The following LOXHD1 variants were observed in gnomAD, a reference collection of about 807,000 sequenced individuals.
The protein encoded by LOXHD1 is lipoxygenase homology domain-containing protein 1.
A neutral mutation model predicts 248.2 loss-of-function variants in LOXHD1; 205 were observed. The ratio of observed to expected loss-of-function variants is 0.83; its 90% confidence interval spans 0.74 to 0.93. The LOEUF is 0.93. Ranked by LOEUF, LOXHD1 falls within the 40% of genes least tolerant of loss-of-function variation. The probability of loss-of-function intolerance (pLI) is 0.00; values close to 1 mark genes in which losing one functional copy is unlikely to be tolerated. For missense variants in LOXHD1, 2,930 were observed against 2,971.6 expected (o/e 0.99, Z 0.33); for synonymous variants, 1,113 against 1,162.8 (o/e 0.96, Z 0.87).
At chr18:46,586,059 A>G (rs1026510944) in intron 12 of LOXHD1, among the ~76,000 whole-genome samples, 4 of 152,250 alleles carry the variant, frequency 2.6e-5, no homozygotes, top group Admixed American at 2.0e-4. Flanking sequence ...GGACTATATT[A>G]TTCAGCAATA....
At position 46,521,089 on chromosome 18, in the gene LOXHD1, C is replaced by CT. The variant is rs1175135836; in HGVS notation, c.5271+7_5271+8insA. 2 of 1,551,398 alleles carry CT rather than the reference C, an allele frequency of 1.3e-6. No individual in the cohort carries two copies. The highest frequency in any genetic ancestry group is 1.7e-6 in the Non-Finnish European group (2 of 1,146,744). The stretch of plus-strand genomic sequence containing the variant: ...CCATGCACTGCACACTCACAGTGCC[C>CT]CCCCTACCTTCACCCCAATGTTCAC... On this transcript the variant is annotated splice_region_variant and intron_variant, in intron 33 of 40. Coordinates refer to ENST00000642948, the MANE Select transcript of LOXHD1 (RefSeq NM_001384474.1).
Position 46,507,701 on chromosome 18 carries a change from CTTCAGT to C in LOXHD1, c.5523_5528del (p.Leu1842_Lys1843del). On this transcript the variant is annotated inframe_deletion, in exon 36 of 41. Coordinates refer to ENST00000642948, the MANE Select transcript of LOXHD1 (RefSeq NM_001384474.1). ...TGGTCAGGTCTCCAGTGTTCATGTT[CTTCAGT>C]AGGATCTGGGGGAGAGGGAGCCACC... 6.4e-7 allele frequency: 1 copy of C among 1,550,942 alleles called. No homozygotes were observed. The highest frequency in any genetic ancestry group is 8.7e-7 in the Non-Finnish European group (1 of 1,146,356).
intron 40 of LOXHD1, 52 bp from the exon 41 acceptor site, chr18:46,478,004 G>A (rs754056462): frequency 5.5e-5 from 83 of 1,508,460 alleles, no homozygotes; most frequent in Admixed American, 2.1e-4. Flanking sequence ...GACCCCAGCC[G>A]AGGCTGCTCC....
chr18:46,544,473 C>T (rs932503780), intron 23 of LOXHD1, among the ~76,000 whole-genome samples: 2 of 152,116 alleles, frequency 1.3e-5, no homozygotes, highest in South Asian at 2.1e-4. Flanking sequence ...AGGTTATGAC[C>T]TAATTATATC....
At chr18:46,596,982 G>A (rs113848043) in intron 8 of LOXHD1, among the ~76,000 whole-genome samples, 1 of 152,166 alleles carries the variant, frequency 6.6e-6, no homozygotes, top group Admixed American at 6.5e-5. Context: ...ATTGACACCA[G>A]AAATAAGGTC....
chr18:46,530,651 C>T (rs540262660), intron 28 of LOXHD1, among the ~76,000 whole-genome samples: 1 of 152,262 alleles, frequency 6.6e-6, no homozygotes, highest in East Asian at 1.9e-4. Context: ...GGGCTCAGAA[C>T]CACATTTAAT....
intron 13 of LOXHD1, among the ~76,000 whole-genome samples, chr18:46,578,850 T>C (rs2037908264): frequency 6.6e-6 from 1 of 152,286 alleles, no homozygotes; most frequent in African/African-American, 2.4e-5. Context: ...CCACCACAGG[T>C]AGGCATCCTT....
At chr18:46,647,288 G>C (rs545949108) in intron 2 of LOXHD1, among the ~76,000 whole-genome samples, 1 of 152,294 alleles carries the variant, frequency 6.6e-6, no homozygotes, top group Non-Finnish European at 1.5e-5. Flanking sequence ...CCGAACTCCT[G>C]GGAATGGAGG....
At chr18:46,486,265 C>T (rs762488698) in intron 38 of LOXHD1, among the ~76,000 whole-genome samples, 1 of 152,066 alleles carries the variant, frequency 6.6e-6, no homozygotes, top group Non-Finnish European at 1.5e-5. Context: ...GATTCTGGAT[C>T]CAAAGGGGTA....
At chr18:46,557,289 T>C in intron 21 of LOXHD1, 67 bp downstream of exon 21, 1 of 1,389,496 alleles carries the variant, frequency 7.2e-7, no homozygotes, top group South Asian at 1.2e-5. Context: ...CTTCCAGGAC[T>C]ACCTCTGTGG....
At chr18:46,589,384 CT>C (rs1445466911) in intron 12 of LOXHD1, among the ~76,000 whole-genome samples, 7 of 152,324 alleles carry the variant, frequency 4.6e-5, no homozygotes, top group African/African-American at 1.4e-4. Flanking sequence ...AAGGAGCCCC[CT>C]GGCCCCTTCT....
chr18:46,546,884 G>A lies in LOXHD1; in HGVS notation c.3514+11C>T, dbSNP rs1163472633. On this transcript the variant is annotated intron_variant, in intron 22 of 40. Coordinates refer to ENST00000642948, the MANE Select transcript of LOXHD1 (RefSeq NM_001384474.1). ...GTGCTGGAGAAAGAAATCAGCTCTA[G>A]TTTAGAAAACCTTTCTGCTCCAGGG... The A allele has an allele frequency of 6.5e-7, 1 of 1,547,380 alleles. No homozygotes were observed. Among genetic ancestry groups the A allele is most frequent in the South Asian group, 1.2e-5 (1 of 83,948 alleles).
chr18:46,481,375 C>G (rs901892899), intron 40 of LOXHD1, among the ~76,000 whole-genome samples: 5 of 152,018 alleles, frequency 3.3e-5, no homozygotes, highest in African/African-American at 4.8e-5. Flanking sequence ...TTGAGAATTG[C>G]AGGTGACAGG....
chr18:46,534,570 C>T (rs1050762394), intron 26 of LOXHD1, 119 bp from the exon 27 acceptor site: 42 of 737,508 alleles, frequency 5.7e-5, no homozygotes, highest in African/African-American at 4.7e-4. Flanking sequence ...CCTCCTGATA[C>T]GTCTCCACTA....
chr18:46,487,122 C>A (rs1190839874), intron 38 of LOXHD1, among the ~76,000 whole-genome samples: 1 of 152,168 alleles, frequency 6.6e-6, no homozygotes, highest in African/African-American at 2.4e-5. Flanking sequence ...ACAAGCCCTA[C>A]TAGAGGAAGG....
chr18:46,552,222 T>C (rs1352070720), intron 21 of LOXHD1, among the ~76,000 whole-genome samples: 1 of 152,218 alleles, frequency 6.6e-6, no homozygotes, highest in African/African-American at 2.4e-5. Flanking sequence ...TACACAATTT[T>C]TTTTTTAAAT....
chr18:46,548,987 C>A (rs1306048880), intron 21 of LOXHD1, among the ~76,000 whole-genome samples: 1 of 152,172 alleles, frequency 6.6e-6, no homozygotes, highest in Non-Finnish European at 1.5e-5. Flanking sequence ...ACCGACAGAA[C>A]CAAAGCAGGA....
At chr18:46,503,604 AG>A (rs1192762444) in intron 37 of LOXHD1, among the ~76,000 whole-genome samples, 2 of 152,210 alleles carry the variant, frequency 1.3e-5, no homozygotes, top group Non-Finnish European at 1.5e-5. Context: ...ATGGAGGGAA[AG>A]AAAACTCAGG....
intron 6 of LOXHD1, among the ~76,000 whole-genome samples, chr18:46,606,051 T>C (rs2038408059): frequency 6.6e-6 from 1 of 152,088 alleles, no homozygotes; most frequent in South Asian, 2.1e-4. Context: ...TAAAAGAATA[T>C]AAGCAGATTT....
Sources: gnomAD v4.1 joint callset for allele counts (sites outside exome capture counted in the v4.1 genomes callset) on GRCh38, gnomAD v4.1.1 for gene constraint, MANE v1.5 for transcripts, NCBI Gene and HGNC (gene_info 2026-07-23, HGNC 2026-07-21) for gene names.